Variants in MAP3K13 observed in about 807,000 individuals in gnomAD.
The protein encoded by MAP3K13 is leucine zipper-bearing kinase.
A neutral mutation model predicts 104.0 loss-of-function variants in MAP3K13; 52 were observed. The observed-to-expected ratio is 0.50, with a 90% CI of 0.40 to 0.63. The LOEUF (loss-of-function observed/expected upper bound fraction) is 0.63. MAP3K13 is among the 20% of genes least tolerant of loss of function. The pLI is 0.00. For synonymous variants in MAP3K13, 394 were observed against 442.2 expected (o/e 0.89, Z 1.37); for missense variants, 914 against 1,218.5 (o/e 0.75, Z 3.72).
At position 185,447,933 on chromosome 3, in the gene MAP3K13, A is replaced by G; in HGVS notation, c.996A>G (p.Glu332=). The stretch of plus-strand genomic sequence containing the variant: ...TGATACGGAATGAACCTGTCTCTGA[A>G]AAAGTTGATATATGGTGAGTGGCGC... ...PEVIRNEPVS[E]KVDIWSFGVV... The change falls in exon 5 of 14, where the codon GAA becomes GAG. Residue 332 remains glutamate (E), a synonymous_variant. Coordinates refer to ENST00000265026, the MANE Select transcript of MAP3K13 (RefSeq NM_004721.5). 6.2e-7 allele frequency: 1 copy of G among 1,609,436 alleles called. No homozygotes were observed. Among genetic ancestry groups the G allele is most frequent in the South Asian group, 1.1e-5 (1 of 89,970 alleles).
chr3:185,415,711 G>A (rs1222714980), intron 1 of MAP3K13, among the ~76,000 whole-genome samples: 1 of 149,960 alleles, frequency 6.7e-6, no homozygotes, highest in African/African-American at 2.5e-5. Context: ...AGCCTCCCAA[G>A]TAGCTGGGAT....
intron 4 of MAP3K13, among the ~76,000 whole-genome samples, chr3:185,447,485 ACT>A (rs1715653691): frequency 7.6e-6 from 1 of 130,798 alleles, no homozygotes; most frequent in South Asian, 2.7e-4. Context: ...CAAGAGTGAA[ACT>A]CTGTCTCAAA....
At chr3:185,471,558 CA>C (rs1404038386) in intron 10 of MAP3K13, among the ~76,000 whole-genome samples, 1 of 141,860 alleles carries the variant, frequency 7.0e-6, no homozygotes, top group African/African-American at 2.7e-5. Flanking sequence ...CTCCTGGGTT[CA>C]AGTGATTCTC....
intron 2 of MAP3K13, among the ~76,000 whole-genome samples, chr3:185,323,713 C>T (rs1721946225): frequency 6.6e-6 from 1 of 152,074 alleles, no homozygotes; most frequent in African/African-American, 2.4e-5. Flanking sequence ...TCCTGATTTC[C>T]ATCTTTTTCT....
At chr3:185,382,615 T>G (rs546359369) in intron 1 of MAP3K13, among the ~76,000 whole-genome samples, 50 of 152,068 alleles carry the variant, frequency 3.3e-4, no homozygotes, top group Admixed American at 1.6e-3. Context: ...GTTTGGGTCA[T>G]GGGGGCAGAT....
chr3:185,396,399 G>A (rs1373732977), intron 1 of MAP3K13, among the ~76,000 whole-genome samples: 1 of 151,852 alleles, frequency 6.6e-6, no homozygotes, highest in Non-Finnish European at 1.5e-5. Context: ...ATTAAAAATA[G>A]GTACATCCTT....
intron 1 of MAP3K13, among the ~76,000 whole-genome samples, chr3:185,373,218 C>T (rs996702498): frequency 1.3e-5 from 2 of 152,126 alleles, no homozygotes; most frequent in East Asian, 3.8e-4. Flanking sequence ...GCTTTCATAG[C>T]TGTATATTAT....
chr3:185,365,247 A>G (rs1723815204), intron 1 of MAP3K13, among the ~76,000 whole-genome samples: 2 of 152,214 alleles, frequency 1.3e-5, no homozygotes, highest in Admixed American at 6.5e-5. Context: ...AGGGAAAAAA[A>G]CAATAACTCT....
In MAP3K13 at chr3:185,473,871, G is replaced by C; in HGVS notation, c.2430+110G>C. ...TGTAAAAAGTATACATTTTGTAAAA[G>C]GACAAGATAACAGAAACATAAATAG... is the stretch of plus-strand genomic sequence containing the variant. On this transcript the variant is annotated intron_variant, in intron 11 of 13. Transcript: ENST00000265026. This position sits in a 1 kb window ranked among gnomAD's most constrained non-coding sequence, Gnocchi z 4.9. 8.4e-7 allele frequency: 1 copy of C among 1,191,946 alleles called. No individual in the cohort carries two copies. Among genetic ancestry groups the C allele is most frequent in the Non-Finnish European group, 1.2e-6 (1 of 859,988 alleles). The allele number at this position is 1,191,946 out of a possible 1,614,324, so 73.8% of individuals were successfully genotyped here.
At chr3:185,359,371 G>T (rs959460453), upstream of MAP3K13, among the ~76,000 whole-genome samples, 2 of 152,174 alleles carry the variant, frequency 1.3e-5, no homozygotes, top group Admixed American at 6.5e-5. Context: ...TACAATTCAA[G>T]ATGAGATTTG....
rs541590824 is a variant in MAP3K13 at position 185,468,855 on chromosome 3, G to A, written c.1643+1892G>A. Among the ~76,000 whole-genome samples the A allele has an allele frequency of 1.3e-3, 198 of 152,364 alleles. 5 individuals carry two copies. In the South Asian group the frequency reaches 0.039, roughly 30 times the overall value. On this transcript the variant is annotated intron_variant, in intron 10 of 13. Coordinates refer to ENST00000265026, the MANE Select transcript of MAP3K13 (RefSeq NM_004721.5). The stretch of plus-strand genomic sequence containing the variant: ...TCTTTTGTTGTACTAATTAGGGACA[G>A]AGTCTGCCCGATGGCTGCTCCCTGC...
At chr3:185,455,320 A>ATATATATAT (rs1716455615) in intron 7 of MAP3K13, among the ~76,000 whole-genome samples, 1 of 77,350 alleles carries the variant, frequency 1.3e-5, no homozygotes, top group East Asian at 3.3e-4. Context: ...GATATATATG[A>ATATATATAT]GATATATATG....
At chr3:185,476,197 A>T (rs1174646730) in intron 11 of MAP3K13, among the ~76,000 whole-genome samples, 1 of 152,064 alleles carries the variant, frequency 6.6e-6, no homozygotes, top group Admixed American at 6.6e-5. Flanking sequence ...ACGGGTCTTT[A>T]GGCCATAGAA....
At chr3:185,288,812 GT>G (rs530155419) in intron 2 of MAP3K13, among the ~76,000 whole-genome samples, 226 of 152,182 alleles carry the variant, frequency 1.5e-3, no homozygotes, top group African/African-American at 5.2e-3. Flanking sequence ...GTTTTGTGTT[GT>G]TTTGGGGAGG....
At chr3:185,313,050 C>G (rs1271851897) in intron 2 of MAP3K13, among the ~76,000 whole-genome samples, 5 of 151,780 alleles carry the variant, frequency 3.3e-5, no homozygotes, top group South Asian at 4.2e-4. Flanking sequence ...ATTAGCCAGG[C>G]GTGGTGGTGT....
intron 1 of MAP3K13, among the ~76,000 whole-genome samples, chr3:185,380,940 GT>G (rs960298054): frequency 2.8e-5 from 4 of 142,904 alleles, no homozygotes; most frequent in South Asian, 4.7e-4. Context: ...GAGGAAGAAG[GT>G]TTTTTTGTTT....
rs925128407 is a variant in MAP3K13 at position 185,482,066 on chromosome 3, A to C, written c.2800-289A>C. Among the ~76,000 whole-genome samples, 1 of 152,274 alleles carries C rather than the reference A, an allele frequency of 6.6e-6. No individual in the cohort carries two copies. The highest frequency in any genetic ancestry group is 2.4e-5 in the African/African-American group (1 of 41,476). On this transcript the variant is annotated intron_variant, in intron 13 of 13. Coordinates refer to ENST00000265026, the MANE Select transcript of MAP3K13 (RefSeq NM_004721.5). The surrounding 1 kb of genome is among the most constrained non-coding windows in gnomAD (Gnocchi z 4.5). Reference sequence around the variant, plus strand: ...GCCACTGCACTCCAGCCTGGGCGACAGAGTGAGACTCCATCTCTAAATAAA... The same window carrying C: ...GCCACTGCACTCCAGCCTGGGCGACCGAGTGAGACTCCATCTCTAAATAAA...
At chr3:185,287,962 G>C (rs780073995) in intron 2 of MAP3K13, among the ~76,000 whole-genome samples, 1 of 152,152 alleles carries the variant, frequency 6.6e-6, no homozygotes, top group Non-Finnish European at 1.5e-5. Flanking sequence ...ATTTGAACTC[G>C]GGAGGCAGAG....
chr3:185,484,492 T>C lies in MAP3K13; in HGVS notation c.*2036T>C, dbSNP rs1718630125. On this transcript the variant is annotated 3_prime_UTR_variant, in exon 14 of 14. Transcript: ENST00000265026. ...CAGACAGCTGTTAAACCATTTCCAA[T>C]GCACATGAAAATGTTGCCGCTCCTC... The C allele has an allele frequency of 6.6e-6, 1 of 152,210 alleles. No homozygotes were observed. Among genetic ancestry groups the C allele is most frequent in the Non-Finnish European group, 1.5e-5 (1 of 68,024 alleles). The allele number at this position is 152,210 out of a possible 1,614,324, so 9.4% of individuals were successfully genotyped here.
Sources: gnomAD v4.1 joint callset for allele counts (sites outside exome capture counted in the v4.1 genomes callset) on GRCh38, gnomAD v4.1.1 for gene constraint, Gnocchi (gnomAD v3.1) non-coding constraint, MANE v1.5 for transcripts, NCBI Gene and HGNC (gene_info 2026-07-23, HGNC 2026-07-21) for gene names.